The following ZSCAN25 variants were observed in gnomAD, a reference collection of about 807,000 sequenced individuals.
ZSCAN25 encodes the protein zinc finger and SCAN domain-containing protein 25.
ZSCAN25 carries 27 observed loss-of-function variants against 38.7 expected under a neutral mutation model. The ratio of observed to expected loss-of-function variants is 0.70; its 90% confidence interval spans 0.51 to 0.96. The LOEUF is 0.96. Ranked by LOEUF, ZSCAN25 falls within the 40% of genes least tolerant of loss-of-function variation. The pLI is 0.00. For synonymous variants in ZSCAN25, 273 were observed against 277.7 expected (o/e 0.98, Z 0.17); for missense variants, 637 against 705.9 (o/e 0.90, Z 1.11).
chr7:99,627,836 C>T (rs1334713758), intron 7 of ZSCAN25, among the ~76,000 whole-genome samples: 3 of 151,376 alleles, frequency 2.0e-5, no homozygotes, highest in Non-Finnish European at 4.4e-5. Flanking sequence ...TATGTATATA[C>T]TGTATATGTA....
At position 99,630,008 on chromosome 7, in the gene ZSCAN25, G is replaced by A. The variant is rs149145564; in HGVS notation, c.1623G>A (p.Pro541=). 18 of 1,562,564 alleles carry A rather than the reference G, an allele frequency of 1.2e-5. No homozygotes were observed. The highest frequency in any genetic ancestry group is 6.8e-5 in the African/African-American group (5 of 73,618). Residue 541 remains proline, a synonymous_variant, in exon 8 of 8, where the codon CCG becomes CCA. Coordinates refer to ENST00000394152, the MANE Select transcript of ZSCAN25 (RefSeq NM_145115.3). ...AGAAGACCCAGCACCGCCAGGAGCC[G>A]CTGGTGCAGTGAGCATAGCAGGTGG... ...RHQKTQHRQE[P]LVQ
the ZSCAN25 span, among the ~76,000 whole-genome samples, chr7:99,646,725 T>C: frequency 6.6e-6 from 1 of 151,884 alleles, no homozygotes; most frequent in African/African-American, 2.4e-5. Flanking sequence ...ATCTAGGCAC[T>C]AAGTATACTC....
At chr7:99,626,235 C>T (rs1208843294) in intron 7 of ZSCAN25, among the ~76,000 whole-genome samples, 1 of 152,126 alleles carries the variant, frequency 6.6e-6, no homozygotes, top group Non-Finnish European at 1.5e-5. Context: ...AGGCTGGTTC[C>T]CAGGATGGTG....
the ZSCAN25 span, among the ~76,000 whole-genome samples, chr7:99,693,684 G>A: frequency 6.6e-6 from 1 of 152,238 alleles, no homozygotes; most frequent in African/African-American, 2.4e-5. Context: ...CTAGCAGTGA[G>A]CAAGTCTCCG....
At chr7:99,682,661 A>G in the ZSCAN25 span, among the ~76,000 whole-genome samples, 1 of 151,228 alleles carries the variant, frequency 6.6e-6, no homozygotes, top group Non-Finnish European at 1.5e-5. Flanking sequence ...TATTTCTTTG[A>G]AGAATGCCAT....
the ZSCAN25 span, chr7:99,707,857 G>C: frequency 6.2e-7 from 1 of 1,613,866 alleles, no homozygotes; most frequent in Non-Finnish European, 8.5e-7. Context: ...GAAGGACTCT[G>C]ACTAGAGCAA....
chr7:99,667,045 A>G, the ZSCAN25 span: 130 of 1,614,092 alleles, frequency 8.1e-5, no homozygotes, highest in Middle Eastern at 6.6e-4. Flanking sequence ...CACTTTTCAT[A>G]AATCCCACTG....
At chr7:99,635,964 G>A (rs915729769), downstream of ZSCAN25, among the ~76,000 whole-genome samples, 11 of 149,146 alleles carry the variant, frequency 7.4e-5, no homozygotes, top group African/African-American at 1.7e-4. Flanking sequence ...GGAGAATGGC[G>A]TGAACCCGGG....
At chr7:99,713,657 G>A in the ZSCAN25 span, 503 of 1,334,028 alleles carry the variant, frequency 3.8e-4, 3 homozygotes, top group Middle Eastern at 4.8e-3. Context: ...GAAATCTGAT[G>A]GGTGTTGCCT....
chr7:99,707,773 T>C, the ZSCAN25 span: 1 of 1,612,434 alleles, frequency 6.2e-7, no homozygotes, highest in Non-Finnish European at 8.5e-7. Flanking sequence ...GTTAAAATAA[T>C]TGTTAATAAA....
the ZSCAN25 span, chr7:99,660,659 G>C: frequency 6.2e-7 from 1 of 1,613,616 alleles, no homozygotes; most frequent in Non-Finnish European, 8.5e-7. Context: ...ATCAGACAGA[G>C]CTGAAAGGAG....
At chr7:99,719,817 G>A in the ZSCAN25 span, among the ~76,000 whole-genome samples, 1 of 152,044 alleles carries the variant, frequency 6.6e-6, no homozygotes, top group Admixed American at 6.5e-5. Flanking sequence ...GGCCAATAAG[G>A]TGAAACCTCG....
At chr7:99,716,990 T>G in the ZSCAN25 span, among the ~76,000 whole-genome samples, 1 of 152,194 alleles carries the variant, frequency 6.6e-6, no homozygotes, top group African/African-American at 2.4e-5. Context: ...AGAAGATCCT[T>G]TTCCTCCAGC....
downstream of ZSCAN25, among the ~76,000 whole-genome samples, chr7:99,634,657 C>A (rs1469156608): frequency 6.6e-6 from 1 of 152,150 alleles, no homozygotes; most frequent in Non-Finnish European, 1.5e-5. Flanking sequence ...ATTAGCTGGG[C>A]ATGGTGGTGG....
the ZSCAN25 span, chr7:99,660,434 T>A: frequency 6.6e-7 from 1 of 1,506,764 alleles, no homozygotes; most frequent in South Asian, 1.3e-5. Context: ...TCCTGGGGAG[T>A]GGTGAGGAGG....
the ZSCAN25 span, among the ~76,000 whole-genome samples, chr7:99,719,124 G>A: frequency 6.6e-6 from 1 of 152,186 alleles, no homozygotes. Flanking sequence ...ATAACAGCAT[G>A]TTTATTTATA....
chr7:99,629,353 G>T lies in ZSCAN25; in HGVS notation c.968G>T (p.Gly323Val). The T allele has an allele frequency of 6.2e-7, 1 of 1,614,128 alleles. No individual in the cohort carries two copies. Among genetic ancestry groups the T allele is most frequent in the Non-Finnish European group, 8.5e-7 (1 of 1,180,018 alleles). The part of the protein sequence containing the change: ...EPGGPAGSAP[G>V]LPPPQHGAIP... ...GGTGGCCCTGCAGGCAGTGCGCCTGGGCTTCCTCCTCCCCAGCACGGTGCC... is the reference window on the plus strand; with the variant it reads ...GGTGGCCCTGCAGGCAGTGCGCCTGTGCTTCCTCCTCCCCAGCACGGTGCC... The change falls in exon 8 of 8, where the codon GGG becomes GTG. Residue 323 changes from glycine (G) to valine (V), a missense_variant. Transcript: ENST00000394152. This position sits in a 1 kb window ranked among gnomAD's most constrained non-coding sequence, Gnocchi z 5.6.
chr7:99,658,978 T>G, the ZSCAN25 span: 1 of 152,190 alleles, frequency 6.6e-6, no homozygotes, highest in African/African-American at 2.4e-5. Context: ...TAGTTAGCCA[T>G]TTGTCTAATC....
chr7:99,659,101 C>T, the ZSCAN25 span: 1 of 152,240 alleles, frequency 6.6e-6, no homozygotes, highest in Non-Finnish European at 1.5e-5. Context: ...CATTCTCCAT[C>T]CAGCTTTCCG....
Sources: gnomAD v4.1 joint callset for allele counts (sites outside exome capture counted in the v4.1 genomes callset) on GRCh38, gnomAD v4.1.1 for gene constraint, Gnocchi (gnomAD v3.1) non-coding constraint, MANE v1.5 for transcripts, NCBI Gene and HGNC (gene_info 2026-07-23, HGNC 2026-07-21) for gene names.